The following CEP85L variants were observed in gnomAD, a reference collection of about 807,000 sequenced individuals.
The protein encoded by CEP85L is centrosomal protein 85L, also known as centrosomal protein of 85 kDa-like.
CEP85L carries 60 observed loss-of-function variants against 100.3 expected under a neutral mutation model. The observed-to-expected ratio is 0.60, with a 90% confidence interval of 0.49 to 0.74. The LOEUF (loss-of-function observed/expected upper bound fraction) is 0.74. CEP85L is among the 30% of genes least tolerant of loss of function. The pLI, the probability that CEP85L is intolerant of heterozygous loss-of-function variation, is 0.00. For missense variants in CEP85L, 973 were observed against 936.2 expected (o/e 1.04, Z -0.51); for synonymous variants, 319 against 322.7 (o/e 0.99, Z 0.12).
intron 3 of CEP85L, among the ~76,000 whole-genome samples, chr6:118,528,780 T>G (rs1777118205): frequency 6.6e-6 from 1 of 152,144 alleles, no homozygotes; most frequent in Admixed American, 6.5e-5. Context: ...CTACATTAAA[T>G]GAAGTTATAG....
rs200615871 is a variant in CEP85L, at chr6:118,566,224, C to T, written c.325G>A (p.Ala109Thr). Residue 109 changes from alanine to threonine, a missense_variant, in exon 3 of 13, where the codon GCT becomes ACT. Ala to Thr is a moderately conservative substitution (Grantham distance 58). Transcript: ENST00000368491. Reference protein sequence around the residue: ...TAHVMPSNSSASISKLRESLT... With the variant: ...TAHVMPSNSSTSISKLRESLT... ...GATTCCCTAAGTTTGGAAATTGAAG[C>T]GCTGGAATTAGACGGCATCACATGG... 1.1e-4 allele frequency: 175 copies of T among 1,613,872 alleles called. 1 individual carries two copies. The highest frequency in any genetic ancestry group is 1.4e-4 in the Non-Finnish European group (163 of 1,179,968).
intron 2 of CEP85L, among the ~76,000 whole-genome samples, chr6:118,599,340 G>A (rs9489458): frequency 0.16 from 24,754 of 152,104 alleles, 2,149 homozygotes; most frequent in Non-Finnish European, 0.19. Flanking sequence ...GAACAACCCT[G>A]AAAGAGTTCT....
chr6:118,657,969 A>T lies in CEP85L; in HGVS notation c.-27-5161T>A, dbSNP rs138428529. Among the ~76,000 whole-genome samples the T allele has an allele frequency of 2.4e-3, 367 of 152,288 alleles. 2 individuals are homozygous for T. The highest frequency in any genetic ancestry group is 8.6e-3 in the African/African-American group (359 of 41,548). On this transcript the variant is annotated intron_variant, in intron 1 of 13. Transcript: ENST00000368488. ...TCAATATACTCTGTTCCCGTTGGTA[A>T]GGTTTTTTTATTCCAAAGAATTTTC... is the stretch of plus-strand genomic sequence containing the variant.
chr6:118,635,340 T>C (rs1439958854), intron 1 of CEP85L, among the ~76,000 whole-genome samples: 3 of 152,146 alleles, frequency 2.0e-5, no homozygotes, highest in Non-Finnish European at 4.4e-5. Flanking sequence ...AGAGAAGCAT[T>C]TTATGTAGCT....
chr6:118,582,783 T>C (rs1194705404), intron 2 of CEP85L, among the ~76,000 whole-genome samples: 2 of 152,134 alleles, frequency 1.3e-5, no homozygotes, highest in Non-Finnish European at 2.9e-5. Flanking sequence ...CAGCTAATCC[T>C]GAAGGACAAG....
chr6:118,622,068 C>T (rs1773483442), intron 2 of CEP85L, among the ~76,000 whole-genome samples: 1 of 152,192 alleles, frequency 6.6e-6, no homozygotes, highest in Non-Finnish European at 1.5e-5. Context: ...CGTGGGATAG[C>T]CCTACAACCA....
At chr6:118,497,890 A>G (rs1340247648) in intron 5 of CEP85L, among the ~76,000 whole-genome samples, 2 of 152,254 alleles carry the variant, frequency 1.3e-5, no homozygotes, top group Non-Finnish European at 2.9e-5. Flanking sequence ...TAATTACAGC[A>G]ACAATGTAAT....
At chr6:118,535,092 T>C (rs887755348) in intron 3 of CEP85L, among the ~76,000 whole-genome samples, 35 of 152,092 alleles carry the variant, frequency 2.3e-4, no homozygotes, top group Non-Finnish European at 1.0e-4. Flanking sequence ...CATAGAACCA[T>C]AGGCAAATGT....
At chr6:118,561,103 G>A (rs1429954317) in intron 3 of CEP85L, among the ~76,000 whole-genome samples, 2 of 152,150 alleles carry the variant, frequency 1.3e-5, no homozygotes, top group South Asian at 4.1e-4. Flanking sequence ...CTAGAGATGG[G>A]GAGTGGAAAG....
chr6:118,561,282 TA>T (rs1270044571), intron 3 of CEP85L, among the ~76,000 whole-genome samples: 1 of 152,208 alleles, frequency 6.6e-6, no homozygotes, highest in Non-Finnish European at 1.5e-5. Context: ...TCCCTAGTCT[TA>T]AAAACAAGTG....
upstream of CEP85L, among the ~76,000 whole-genome samples, chr6:118,654,734 C>G (rs1381836603): frequency 6.6e-6 from 1 of 152,334 alleles, no homozygotes; most frequent in East Asian, 1.9e-4. Flanking sequence ...ACCTGTGCCT[C>G]AATTCCCTTA....
chr6:118,502,366 A>C (rs1024879062), intron 5 of CEP85L: 16 of 541,788 alleles, frequency 3.0e-5, no homozygotes, highest in Non-Finnish European at 4.8e-5. Flanking sequence ...GATTACCCAT[A>C]TGTTAAGACA....
At chr6:118,507,400 T>C (rs1775719198) in intron 5 of CEP85L, among the ~76,000 whole-genome samples, 1 of 152,168 alleles carries the variant, frequency 6.6e-6, no homozygotes, top group Non-Finnish European at 1.5e-5. Context: ...CCTGACTGGT[T>C]TCCCTGCCTC....
chr6:118,571,875 G>A (rs1779908882), intron 2 of CEP85L, among the ~76,000 whole-genome samples: 1 of 151,718 alleles, frequency 6.6e-6, no homozygotes, highest in Admixed American at 6.6e-5. Flanking sequence ...TTGTTTTCTT[G>A]GAGACAGTTT....
Position 118,707,882 on chromosome 6 carries a change from A to G in CEP85L, c.-28+2154T>C, listed in dbSNP as rs576064340. On this transcript the variant is annotated intron_variant, in intron 1 of 13. Coordinates refer to the CEP85L transcript ENST00000368488. ...GAAAATAAAAATTAAACATTGCAAT[A>G]TCACTTTATAGCTACTAAACTGTCA... 2.0e-3 allele frequency among the ~76,000 whole-genome samples: 292 copies of G among 149,668 alleles called. 2 individuals are homozygous for G. Among genetic ancestry groups the G allele is most frequent in the African/African-American group, 6.9e-3 (281 of 40,684 alleles).
rs112109156 is a variant in CEP85L, at chr6:118,519,476, C to CGGG, written c.1139+4323_1139+4325dup. 4.2e-3 allele frequency among the ~76,000 whole-genome samples: 50 copies of CGGG among 11,912 alleles called. 1 individual carries two copies. Among genetic ancestry groups the CGGG allele is most frequent in the Non-Finnish European group, 5.4e-3 (33 of 6,146 alleles). 7.8% of individuals were successfully genotyped at this position (11,912 alleles called of 152,430 possible). On this transcript the variant is annotated intron_variant, in intron 4 of 12. Coordinates refer to ENST00000368491, the MANE Select transcript of CEP85L (RefSeq NM_001042475.3). The stretch of plus-strand genomic sequence containing the variant: ...TGTGTGTGTGTGTGTGTGTGTGTGG[C>CGGG]GGGGGGGGGTTGTGAAACTCCGTGT...
chr6:118,650,937 C>T (rs1470370806), intron 1 of CEP85L, among the ~76,000 whole-genome samples: 1 of 152,234 alleles, frequency 6.6e-6, no homozygotes, highest in East Asian at 1.9e-4. Context: ...CCCAAGCGAG[C>T]TGGAAGTTGG....
Position 118,463,011 on chromosome 6 carries a change from C to CT in CEP85L, c.*2393dup, listed in dbSNP as rs1317697864. 6.6e-6 allele frequency: 1 copy of CT among 151,178 alleles called. No homozygotes were observed. The highest frequency in any genetic ancestry group is 6.6e-5 in the Admixed American group (1 of 15,220). The allele number at this position is 151,178 out of a possible 1,614,324, so 9.4% of individuals were successfully genotyped here. ...ACTTAAACTAGCACATCTTAACTCC[C>CT]TTTTTTATGGGGGGAGGGTACAGAT... is the stretch of plus-strand genomic sequence containing the variant. On this transcript the variant is annotated 3_prime_UTR_variant, in exon 13 of 13. Coordinates refer to ENST00000368491, the MANE Select transcript of CEP85L (RefSeq NM_001042475.3).
At chr6:118,532,178 A>G (rs192130281) in intron 3 of CEP85L, among the ~76,000 whole-genome samples, 1 of 152,168 alleles carries the variant, frequency 6.6e-6, no homozygotes, top group Non-Finnish European at 1.5e-5. Flanking sequence ...GTAATACTAC[A>G]TAGCCATAAA....
Sources: allele counts gnomAD v4.1 joint callset (sites outside exome capture counted in the v4.1 genomes callset), GRCh38; gene constraint gnomAD v4.1.1; transcripts MANE v1.5; gene names NCBI Gene and HGNC (gene_info 2026-07-23, HGNC 2026-07-21).